ECD: variants seen among roughly 807,000 people sequenced by gnomAD.
ECD encodes the protein ecdysoneless cell cycle regulator.
In ECD, 59 loss-of-function variants were observed where a neutral mutation model predicts 77.2. The observed-to-expected ratio is 0.76, with a 90% CI of 0.62 to 0.95. The LOEUF (loss-of-function observed/expected upper bound fraction) is 0.95. ECD is among the 40% of genes least tolerant of loss of function. ECD has a pLI of 0.00. For synonymous variants in ECD, 233 were observed against 267.4 expected (o/e 0.87, Z 1.26); for missense variants, 704 against 763.4 (o/e 0.92, Z 0.92).
chr10:73,146,205 A>G, intron 9 of ECD, 71 bp downstream of exon 9: 1 of 746,960 alleles, frequency 1.3e-6, no homozygotes. Context: ...AGAATAATAA[A>G]TAATAAATAA....
chr10:73,157,641 G>C (rs1843313977), intron 3 of ECD, among the ~76,000 whole-genome samples: 1 of 151,228 alleles, frequency 6.6e-6, no homozygotes, highest in African/African-American at 2.4e-5. Context: ...AGAATTGCTT[G>C]AACCTGGGAG....
intron 7 of ECD, 21 bp from the exon 8 acceptor site, chr10:73,148,425 T>C (rs1454554756): frequency 6.2e-7 from 1 of 1,601,740 alleles, no homozygotes; most frequent in Non-Finnish European, 8.5e-7. Context: ...TAGGTAGAAT[T>C]TTTGTTACTA....
At chr10:73,161,594 C>A (rs561939058) in intron 2 of ECD, among the ~76,000 whole-genome samples, 1 of 152,092 alleles carries the variant, frequency 6.6e-6, no homozygotes, top group Non-Finnish European at 1.5e-5. Context: ...CTGGCTTCAC[C>A]GGGGAATTCT....
chr10:73,139,473 TGA>T lies in ECD; in HGVS notation c.1255_1256del (p.Ser419ThrfsTer30). 1.2e-6 allele frequency: 2 copies of T among 1,613,944 alleles called. No homozygotes were observed. Among genetic ancestry groups the T allele is most frequent in the East Asian group, 4.5e-5 (2 of 44,874 alleles). On this transcript the variant is annotated frameshift_variant, in exon 11 of 14. Coordinates refer to ENST00000372979, the MANE Select transcript of ECD (RefSeq NM_007265.3). LOFTEE classifies it high-confidence loss of function. ...GCAGCAGCTGGTCCAGCTGATCTGG[TGA>T]GAGATCTAACCACTGGTCATCTGAA... ...PEDDDQWLDL[S>X]PDQLDQLLQE...
chr10:73,144,165 A>G (rs1316294124), intron 9 of ECD, among the ~76,000 whole-genome samples: 1 of 152,236 alleles, frequency 6.6e-6, no homozygotes, highest in African/African-American at 2.4e-5. Flanking sequence ...GTTAACTACT[A>G]GATAGCAGGC....
rs371775774 is a variant in ECD, at chr10:73,152,308, T to C, written c.897A>G (p.Glu299=). The stretch of plus-strand genomic sequence containing the variant: ...TCAACATTACCAATTTCATGCCCAA[T>C]TCATGGGCTCGGTACTGGGGATCAG... The part of the protein sequence containing the change: ...PPSDPQYRAH[E]LGMKLAHGFE... Residue 299 remains glutamate, a synonymous_variant, in exon 7 of 14, where the codon GAA becomes GAG. Coordinates refer to ENST00000372979, the MANE Select transcript of ECD (RefSeq NM_007265.3). 9 of 1,612,610 alleles carry C rather than the reference T, an allele frequency of 5.6e-6. No homozygotes were observed. The highest frequency in any genetic ancestry group is 2.2e-5 in the East Asian group (1 of 44,844).
At chr10:73,153,228 G>C (rs1224540708) in intron 6 of ECD, among the ~76,000 whole-genome samples, 2 of 151,558 alleles carry the variant, frequency 1.3e-5, no homozygotes, top group African/African-American at 2.4e-5. Flanking sequence ...GAAGTAGCGG[G>C]GATTACAGGC....
At chr10:73,144,049 T>C (rs545728935) in intron 9 of ECD, among the ~76,000 whole-genome samples, 2 of 152,232 alleles carry the variant, frequency 1.3e-5, no homozygotes, top group South Asian at 4.1e-4. Context: ...AAATGTCCTA[T>C]GAAGTGCAAG....
chr10:73,165,790 G>T (rs1485459783), intron 1 of ECD, among the ~76,000 whole-genome samples: 5 of 146,680 alleles, frequency 3.4e-5, no homozygotes, highest in African/African-American at 1.3e-4. Flanking sequence ...TACTCTTTTA[G>T]TTATTTTTAT....
chr10:73,156,486 G>A (rs1286661228), intron 4 of ECD, 33 bp from the exon 5 acceptor site: 1 of 1,609,044 alleles, frequency 6.2e-7, no homozygotes, highest in Admixed American at 1.7e-5. Flanking sequence ...TTCACAGTGG[G>A]CACTGGCAAA....
intron 9 of ECD, among the ~76,000 whole-genome samples, chr10:73,143,942 C>T (rs1013599067): frequency 2.0e-5 from 3 of 151,380 alleles, no homozygotes; most frequent in Non-Finnish European, 2.9e-5. Flanking sequence ...CGCCCAGGTA[C>T]CTCTGGCAAT....
upstream of ECD, chr10:73,168,087 G>A (rs1843523857): frequency 1.9e-6 from 1 of 529,962 alleles, no homozygotes; most frequent in Non-Finnish European, 3.3e-6. Flanking sequence ...GCGTCGGCGG[G>A]AGCATTTTGC....
intron 3 of ECD, among the ~76,000 whole-genome samples, chr10:73,160,129 A>G (rs1179184865): frequency 6.6e-6 from 1 of 151,586 alleles, no homozygotes; most frequent in East Asian, 2.0e-4. Flanking sequence ...TCTACTAAAA[A>G]TACAAAATTA....
intron 11 of ECD, among the ~76,000 whole-genome samples, chr10:73,138,864 C>T (rs950114875): frequency 6.6e-6 from 1 of 152,192 alleles, no homozygotes; most frequent in Non-Finnish European, 1.5e-5. Context: ...CGCGCCCAGC[C>T]TACAAGTAAT....
chr10:73,155,081 G>A (rs999511842), intron 5 of ECD, among the ~76,000 whole-genome samples: 4 of 152,038 alleles, frequency 2.6e-5, no homozygotes, highest in East Asian at 1.9e-4. Context: ...ACGGAGTCTC[G>A]CTCTGTCGCC....
At chr10:73,136,139 C>A (rs1452981093) in intron 13 of ECD, among the ~76,000 whole-genome samples, 1 of 152,154 alleles carries the variant, frequency 6.6e-6, no homozygotes, top group African/African-American at 2.4e-5. Flanking sequence ...TTCCATAATA[C>A]CTCTGTTTAG....
chr10:73,138,790 C>T (rs1389279999), intron 11 of ECD, among the ~76,000 whole-genome samples: 1 of 152,204 alleles, frequency 6.6e-6, no homozygotes, highest in Non-Finnish European at 1.5e-5. Flanking sequence ...TGGTTTTGAA[C>T]TCCTGACTTC....
intron 9 of ECD, among the ~76,000 whole-genome samples, chr10:73,144,369 A>G (rs1218562361): frequency 2.0e-5 from 3 of 152,172 alleles, no homozygotes; most frequent in Admixed American, 2.0e-4. Flanking sequence ...TCACACTTGT[A>G]ATCCCAGAAC....
chr10:73,140,248 G>T (rs1235437471), intron 9 of ECD, among the ~76,000 whole-genome samples: 1 of 151,880 alleles, frequency 6.6e-6, no homozygotes, highest in Non-Finnish European at 1.5e-5. Context: ...CTCCCAAAGT[G>T]CTGGGATTAC....
Sources: allele counts gnomAD v4.1 joint callset (sites outside exome capture counted in the v4.1 genomes callset), GRCh38; gene constraint gnomAD v4.1.1; transcripts MANE v1.5; gene names NCBI Gene and HGNC (gene_info 2026-07-23, HGNC 2026-07-21).